The following PCDHGA6 variants were observed in gnomAD, a reference collection of about 807,000 sequenced individuals.
PCDHGA6 encodes the protein protocadherin gamma-A6.
PCDHGA6 carries 41 observed loss-of-function variants against 60.6 expected under a neutral mutation model. The observed-to-expected ratio is 0.68, with a 90% confidence interval of 0.53 to 0.88. The LOEUF (loss-of-function observed/expected upper bound fraction) is 0.88. Among genes scored for constraint, PCDHGA6 ranks in the 40% least tolerant of loss-of-function variants. PCDHGA6 has a pLI of 0.00. For synonymous variants in PCDHGA6, 594 were observed against 524.4 expected, an observed-to-expected ratio of 1.13 and a Z score of -1.81; for missense variants, 1,312 against 1,203.0, an observed-to-expected ratio of 1.09 and a Z score of -1.34.
intron 1 of PCDHGA6, among the ~76,000 whole-genome samples, chr5:141,401,210 C>T (rs1038078572): frequency 3.9e-5 from 6 of 151,956 alleles, no homozygotes; most frequent in Non-Finnish European, 5.9e-5. Flanking sequence ...GGTGTGGTGG[C>T]GGGCGCCTGT....
chr5:141,482,753 G>A (rs2154579665), intron 1 of PCDHGA6, among the ~76,000 whole-genome samples: 1 of 127,136 alleles, frequency 7.9e-6, no homozygotes. Context: ...GAGGGATTAT[G>A]GTATTTCATT....
At chr5:141,419,724 G>T in intron 1 of PCDHGA6, 1 of 1,613,488 alleles carries the variant, frequency 6.2e-7, no homozygotes, top group Non-Finnish European at 8.5e-7. Flanking sequence ...CTGGGGCTGC[G>T]AACAGGCGAG....
At chr5:141,398,844 C>A in intron 1 of PCDHGA6, 1 of 1,613,966 alleles carries the variant, frequency 6.2e-7, no homozygotes, top group Non-Finnish European at 8.5e-7. Context: ...ATGATAATCC[C>A]CCGGTATTCA....
At chr5:141,393,718 C>A in intron 1 of PCDHGA6, 2 of 1,613,644 alleles carry the variant, frequency 1.2e-6, no homozygotes, top group Non-Finnish European at 1.7e-6. Flanking sequence ...GGGGAAATAT[C>A]AATAGCAAAA....
At chr5:141,427,840 A>C (rs779622800) in intron 1 of PCDHGA6, 8 of 1,548,180 alleles carry the variant, frequency 5.2e-6, no homozygotes, top group Admixed American at 3.3e-5. Flanking sequence ...CGTGCCTTCG[A>C]CCACGAGCAG....
intron 1 of PCDHGA6, chr5:141,378,010 T>C (rs1476632072): frequency 6.6e-6 from 1 of 152,212 alleles, no homozygotes; most frequent in Non-Finnish European, 1.5e-5. Flanking sequence ...TCAAATAAGC[T>C]CTACTTATAT....
chr5:141,381,826 C>CTTTTTTTTTTTT (rs770630741), intron 1 of PCDHGA6, among the ~76,000 whole-genome samples: 14 of 74,282 alleles, frequency 1.9e-4, no homozygotes, highest in Admixed American at 5.8e-4. Context: ...CTTTCTTCTT[C>CTTTTTTTTTTTT]TTTTTTTTTT....
intron 1 of PCDHGA6, chr5:141,400,775 C>T (rs2094072666): frequency 5.4e-6 from 3 of 559,824 alleles, no homozygotes; most frequent in South Asian, 5.1e-5. Context: ...ACATTTGGTG[C>T]GTTTTTTTGT....
intron 2 of PCDHGA6, among the ~76,000 whole-genome samples, chr5:141,502,828 G>T (rs928458403): frequency 6.6e-6 from 1 of 150,704 alleles, no homozygotes; most frequent in Non-Finnish European, 1.5e-5. Context: ...CCTTGGGGAA[G>T]CCTGGACTGG....
intron 1 of PCDHGA6, chr5:141,389,263 C>G (rs1285877712): frequency 6.2e-7 from 1 of 1,614,028 alleles, no homozygotes; most frequent in Admixed American, 1.7e-5. Flanking sequence ...GTCCACGTGG[C>G]CGAGAACAAC....
intron 1 of PCDHGA6, among the ~76,000 whole-genome samples, chr5:141,438,828 A>T (rs1364963084): frequency 6.7e-6 from 1 of 149,956 alleles, no homozygotes; most frequent in Non-Finnish European, 1.5e-5. Context: ...TGCCCAGCTA[A>T]TTTTTTAAAA....
chr5:141,428,188 G>A (rs1023078587), intron 1 of PCDHGA6: 3 of 1,433,350 alleles, frequency 2.1e-6, no homozygotes, highest in Admixed American at 1.8e-5. Flanking sequence ...GACAGCCGCC[G>A]CTCTCTGCGC....
chr5:141,420,993 C>T (rs956578377), intron 1 of PCDHGA6: 2 of 501,412 alleles, frequency 4.0e-6, no homozygotes, highest in Non-Finnish European at 7.0e-6. Context: ...GGCGCCGCTG[C>T]TCACCAATCA....
intron 1 of PCDHGA6, chr5:141,399,433 C>T (rs1485508239): frequency 1.9e-6 from 3 of 1,613,892 alleles, no homozygotes; most frequent in Non-Finnish European, 2.5e-6. Flanking sequence ...AAGCGTCATC[C>T]TACATATCAG....
intron 1 of PCDHGA6, among the ~76,000 whole-genome samples, chr5:141,482,530 C>CAAAAAAAAAA (rs3074545): frequency 1.2e-3 from 90 of 76,428 alleles, no homozygotes; most frequent in African/African-American, 1.7e-3. Context: ...GACAGACATG[C>CAAAAAAAAAA]AAAAAAAAAA....
At chr5:141,421,705 G>C (rs1249601582) in intron 1 of PCDHGA6, 1 of 1,613,944 alleles carries the variant, frequency 6.2e-7, no homozygotes, top group Non-Finnish European at 8.5e-7. Context: ...TAATGCTAGG[G>C]ATCCAGATGT....
chr5:141,484,000 G>C (rs1425172275), intron 1 of PCDHGA6, among the ~76,000 whole-genome samples: 1 of 147,812 alleles, frequency 6.8e-6, no homozygotes, highest in Admixed American at 6.8e-5. Context: ...TGGGAGGTCT[G>C]GATGAGGGTG....
intron 1 of PCDHGA6, chr5:141,430,540 G>T: frequency 2.6e-6 from 1 of 386,954 alleles, no homozygotes; most frequent in Admixed American, 4.2e-5. Flanking sequence ...GACTCTGAGC[G>T]CCGCTGTTCA....
At chr5:141,394,883 ACTCTAT>A in intron 1 of PCDHGA6, 1 of 1,611,724 alleles carries the variant, frequency 6.2e-7, no homozygotes, top group Non-Finnish European at 8.5e-7. Context: ...CGAGCCTTAC[ACTCTAT>A]CTCGTGGTGG....
Sources: gnomAD v4.1 joint callset for allele counts (sites outside exome capture counted in the v4.1 genomes callset) on GRCh38, gnomAD v4.1.1 for gene constraint, MANE v1.5 for transcripts, NCBI Gene and HGNC (gene_info 2026-07-23, HGNC 2026-07-21) for gene names.